Variants in PLD5 observed in about 807,000 individuals in gnomAD.
PLD5 encodes phospholipase D family member 5, also known as inactive phospholipase D5.
In PLD5, 36 loss-of-function variants were observed where a neutral mutation model predicts 61.1. The observed-to-expected ratio is 0.59, with a 90% CI of 0.45 to 0.78. The LOEUF (loss-of-function observed/expected upper bound fraction) is 0.78. Among genes scored for constraint, PLD5 ranks in the 30% least tolerant of loss-of-function variants. The probability of loss-of-function intolerance (pLI) is 0.00; values close to 1 mark genes in which losing one functional copy is unlikely to be tolerated. For missense variants in PLD5, 515 were observed against 644.4 expected, an observed-to-expected ratio of 0.80 and a Z score of 2.17; for synonymous variants, 243 against 242.8, an observed-to-expected ratio of 1.00 and a Z score of -0.01.
At chr1:242,242,875 A>G (rs12723187) in intron 4 of PLD5, among the ~76,000 whole-genome samples, 23,145 of 152,194 alleles carry the variant, frequency 0.15, 1,829 homozygotes, top group South Asian at 0.25. Flanking sequence ...TGTTATAGCA[A>G]GTTGACAGTT....
intron 1 of PLD5, among the ~76,000 whole-genome samples, chr1:242,487,650 T>G (rs1668007129): frequency 6.6e-6 from 1 of 152,140 alleles, no homozygotes; most frequent in South Asian, 2.1e-4. Context: ...ACACAACTGA[T>G]GGACTGGTAT....
chr1:242,254,789 T>G lies in PLD5; in HGVS notation c.607+10548A>C, dbSNP rs181228562. Among the ~76,000 whole-genome samples the G allele has an allele frequency of 5.3e-4, 81 of 152,340 alleles. 1 individual carries two copies. Among genetic ancestry groups the G allele is most frequent in the African/African-American group, 1.9e-3 (79 of 41,570 alleles). On this transcript the variant is annotated intron_variant, in intron 4 of 9. Coordinates refer to ENST00000536534, the MANE Select transcript of PLD5 (RefSeq NM_001372062.1). ...ACAAGGTCGGGGCCACAAAAGTACC[T>G]GTTCCTAGTTATTATGCTAATTACG...
chr1:242,105,328 A>T (rs886463981), intron 8 of PLD5, among the ~76,000 whole-genome samples: 2 of 151,980 alleles, frequency 1.3e-5, no homozygotes, highest in African/African-American at 4.8e-5. Context: ...GGTTCAGGTA[A>T]TGCTTGTGCC....
intron 5 of PLD5, among the ~76,000 whole-genome samples, chr1:242,136,196 G>A (rs1018213353): frequency 4.6e-5 from 7 of 152,196 alleles, no homozygotes; most frequent in African/African-American, 1.7e-4. Flanking sequence ...CTGGCTTCAT[G>A]AGTAACTAAC....
At chr1:242,260,139 G>A (rs571502684) in intron 4 of PLD5, among the ~76,000 whole-genome samples, 4 of 152,194 alleles carry the variant, frequency 2.6e-5, no homozygotes, top group Non-Finnish European at 5.9e-5. Context: ...ATGAGGTCAG[G>A]AGTTCGAGAC....
chr1:242,275,103 A>T (rs1674342234), intron 3 of PLD5, among the ~76,000 whole-genome samples: 1 of 152,174 alleles, frequency 6.6e-6, no homozygotes, highest in Non-Finnish European at 1.5e-5. Flanking sequence ...AGTGAAAATT[A>T]AAAAGGAAAT....
At chr1:242,527,955 C>A (rs1420966609), upstream of PLD5, among the ~76,000 whole-genome samples, 5 of 152,176 alleles carry the variant, frequency 3.3e-5, no homozygotes, top group African/African-American at 4.8e-5. Context: ...ATCCTACTAG[C>A]CCATTCGCTT....
At chr1:242,236,885 A>G (rs1671670755) in intron 4 of PLD5, among the ~76,000 whole-genome samples, 1 of 152,246 alleles carries the variant, frequency 6.6e-6, no homozygotes, top group Non-Finnish European at 1.5e-5. Context: ...TGTTTGAACT[A>G]TCTTCCAGGT....
chr1:242,338,109 A>T (rs1449078063), intron 2 of PLD5, among the ~76,000 whole-genome samples: 1 of 152,204 alleles, frequency 6.6e-6, no homozygotes, highest in Middle Eastern at 3.4e-3. Flanking sequence ...TCTGTTGAAA[A>T]TTTTTTGTCA....
intron 1 of PLD5, among the ~76,000 whole-genome samples, chr1:242,443,703 T>C (rs1395013951): frequency 6.6e-6 from 1 of 152,198 alleles, no homozygotes; most frequent in Non-Finnish European, 1.5e-5. Flanking sequence ...GCTATTATTC[T>C]TGAGTCCACA....
At chr1:242,245,517 G>C (rs932421757) in intron 4 of PLD5, among the ~76,000 whole-genome samples, 1 of 152,212 alleles carries the variant, frequency 6.6e-6, no homozygotes, top group Non-Finnish European at 1.5e-5. Context: ...GAAAGCAGAA[G>C]TTTGGCTTCA....
chr1:242,488,965 ATAG>A (rs1039365679), intron 1 of PLD5, among the ~76,000 whole-genome samples: 3 of 152,214 alleles, frequency 2.0e-5, no homozygotes, highest in Admixed American at 6.5e-5. Context: ...AATTCTAGTA[ATAG>A]TAGCAACAAG....
intron 1 of PLD5, among the ~76,000 whole-genome samples, chr1:242,464,053 C>T (rs58717778): frequency 0.022 from 3,309 of 152,268 alleles, 114 homozygotes; most frequent in African/African-American, 0.074. Flanking sequence ...CCCCAATTCT[C>T]GATTTTAATC....
intron 5 of PLD5, among the ~76,000 whole-genome samples, chr1:242,216,765 G>C (rs1320094048): frequency 1.3e-5 from 2 of 152,204 alleles, no homozygotes; most frequent in African/African-American, 4.8e-5. Context: ...CCATCACTGA[G>C]TTAGGGTCTG....
chr1:242,327,261 C>T (rs1377982417), intron 2 of PLD5, among the ~76,000 whole-genome samples: 1 of 152,162 alleles, frequency 6.6e-6, no homozygotes, highest in Non-Finnish European at 1.5e-5. Flanking sequence ...CCCACCTTAG[C>T]TTCCCAAAGT....
intron 2 of PLD5, among the ~76,000 whole-genome samples, chr1:242,325,584 G>A (rs375256681): frequency 2.0e-5 from 3 of 151,968 alleles, no homozygotes; most frequent in African/African-American, 4.8e-5. Context: ...TTCAACCTCC[G>A]CCTGCTGGGT....
At position 242,100,660 on chromosome 1, in the gene PLD5, A is replaced by C; in HGVS notation, c.1354+8T>G. ...CCACCCAAGGAGCTTCACAGCCCTG[A>C]CACCTACCAATATAAGCTGCTCCAT... On this transcript the variant is annotated splice_region_variant and intron_variant, in intron 9 of 9. Coordinates refer to ENST00000536534, the MANE Select transcript of PLD5 (RefSeq NM_001372062.1). 6.2e-7 allele frequency: 1 copy of C among 1,609,044 alleles called. No homozygotes were observed. The highest frequency in any genetic ancestry group is 1.1e-5 in the South Asian group (1 of 90,954).
At chr1:242,387,292 A>C (rs1322068670) in intron 1 of PLD5, among the ~76,000 whole-genome samples, 1 of 152,220 alleles carries the variant, frequency 6.6e-6, no homozygotes, top group Non-Finnish European at 1.5e-5. Context: ...AAAATAGTCA[A>C]GATCCTCCTG....
At position 242,166,597 on chromosome 1, in the gene PLD5, C is replaced by A. The variant is rs567648732; in HGVS notation, c.736-41932G>T. On this transcript the variant is annotated intron_variant, in intron 5 of 9. Transcript: ENST00000536534. ...CCAAGATTATTAAAAGTGAATATGT[C>A]AAGGAAGACACTGATTTTATTCAGC... is the stretch of plus-strand genomic sequence containing the variant. Among the ~76,000 whole-genome samples, 116 of 152,338 alleles carry A rather than the reference C, an allele frequency of 7.6e-4. 1 individual carries two copies. Among genetic ancestry groups the A allele is most frequent in the African/African-American group, 2.6e-3 (110 of 41,574 alleles).
Sources: allele counts gnomAD v4.1 joint callset (sites outside exome capture counted in the v4.1 genomes callset), GRCh38; gene constraint gnomAD v4.1.1; transcripts MANE v1.5; gene names NCBI Gene and HGNC (gene_info 2026-07-23, HGNC 2026-07-21).